IGLON5: variants seen among roughly 807,000 people sequenced by gnomAD.
IGLON5 encodes IgLON family member 5.
Under a neutral mutation model 38.2 loss-of-function variants are expected in IGLON5, and 16 were observed. The observed-to-expected ratio is 0.42, with a 90% CI of 0.28 to 0.64. The LOEUF (loss-of-function observed/expected upper bound fraction) is 0.64. Ranked by LOEUF, IGLON5 falls within the 30% of genes least tolerant of loss-of-function variation. The pLI is 0.23. For missense variants in IGLON5, 366 were observed against 483.4 expected, an observed-to-expected ratio of 0.76 and a Z score of 2.28; for synonymous variants, 207 against 216.4, an observed-to-expected ratio of 0.96 and a Z score of 0.38.
chr19:51,314,302 G>C (rs1158136284), intron 1 of IGLON5, among the ~76,000 whole-genome samples: 1 of 151,744 alleles, frequency 6.6e-6, no homozygotes, highest in African/African-American at 2.4e-5. Context: ...TCCTGCCTCA[G>C]CCTCGCAAGT....
At position 51,313,890 on chromosome 19, in the gene IGLON5, T is replaced by C. The variant is rs185303507; in HGVS notation, c.79+1964T>C. Among the ~76,000 whole-genome samples, 488 of 151,636 alleles carry C rather than the reference T, an allele frequency of 3.2e-3. 2 individuals carry two copies. Among genetic ancestry groups the C allele is most frequent in the South Asian group, 0.019 (91 of 4,812 alleles). ...ATGCACGCCACCACACCTGGCTAAT[T>C]TTTAATTTTTTTTCTTTGTAGAGAT... On this transcript the variant is annotated intron_variant, in intron 1 of 7. Transcript: ENST00000270642.
chr19:51,323,130 CTT>C (rs1985117975), intron 2 of IGLON5, among the ~76,000 whole-genome samples: 1 of 149,070 alleles, frequency 6.7e-6, no homozygotes, highest in Non-Finnish European at 1.5e-5. Context: ...GCCCCCCTCT[CTT>C]TCTGGGTCTC....
chr19:51,327,988 TAGG>T lies in IGLON5; in HGVS notation c.922+105_922+107del. 8.2e-7 allele frequency: 1 copy of T among 1,212,776 alleles called. No homozygotes were observed. The highest frequency in any genetic ancestry group is 1.1e-6 in the Non-Finnish European group (1 of 904,046). The allele number at this position is 1,212,776 out of a possible 1,614,324, so 75.1% of individuals were successfully genotyped here. A position where few individuals can be genotyped will look rare whatever the true frequency, so the allele number is the denominator to read the frequency against. On this transcript the variant is annotated intron_variant, in intron 7 of 7. Coordinates refer to ENST00000270642, the MANE Select transcript of IGLON5 (RefSeq NM_001101372.3). This position sits in a 1 kb window ranked among gnomAD's most constrained non-coding sequence, Gnocchi z 7.1. ...CCGCCCTTCAGGCTGGCCCTGAACT[TAGG>T]AGATGGACGCTGAGACTGAAAAGCA...
In IGLON5 at chr19:51,330,806, A is replaced by G. The variant is rs1046624720; in HGVS notation, c.*2047A>G. On this transcript the variant is annotated 3_prime_UTR_variant, in exon 8 of 8. Coordinates refer to ENST00000270642, the MANE Select transcript of IGLON5 (RefSeq NM_001101372.3). ...TTAGAGAAACTGAGTCCATGATTAT[A>G]TATCATTTGAGCAGCTGGATCAAAA... Among the ~76,000 whole-genome samples, 1 of 152,166 alleles carries G rather than the reference A, an allele frequency of 6.6e-6. No homozygotes were observed. Among genetic ancestry groups the G allele is most frequent in the Non-Finnish European group, 1.5e-5 (1 of 68,030 alleles).
At chr19:51,323,571 C>T (rs1198097843) in intron 2 of IGLON5, 91 bp from the exon 3 acceptor site, 23 of 1,020,572 alleles carry the variant, frequency 2.3e-5, no homozygotes, top group Middle Eastern at 2.1e-4. Flanking sequence ...CCTGGAGATG[C>T]GGTGGCCTCC....
chr19:51,315,403 G>A lies in IGLON5; in HGVS notation c.79+3477G>A, dbSNP rs1984893373. Among the ~76,000 whole-genome samples the A allele has an allele frequency of 2.0e-5, 3 of 152,292 alleles. No homozygotes were observed. In the South Asian group the frequency reaches 6.2e-4, roughly 32 times the overall value. ...TTGGTTGTTGGTTCATATAGCAAATGTTCTTGGGGACCAGGGCCGCTATTC... is the reference window on the plus strand; with the variant it reads ...TTGGTTGTTGGTTCATATAGCAAATATTCTTGGGGACCAGGGCCGCTATTC... On this transcript the variant is annotated intron_variant, in intron 1 of 7. Transcript: ENST00000270642.
In IGLON5 at chr19:51,325,195, C is replaced by A; in HGVS notation, c.392-151C>A. On this transcript the variant is annotated intron_variant, in intron 3 of 7. Coordinates refer to ENST00000270642, the MANE Select transcript of IGLON5 (RefSeq NM_001101372.3). This position sits in a 1 kb window ranked among gnomAD's most constrained non-coding sequence, Gnocchi z 5.5. ...GAAGAGGAACTGCGGGTCTGAACTCCCGGGTCTGAGGGAGGAGGGGCTGGG... is the reference window on the plus strand; with the variant it reads ...GAAGAGGAACTGCGGGTCTGAACTCACGGGTCTGAGGGAGGAGGGGCTGGG... 9.1e-7 allele frequency: 1 copy of A among 1,104,090 alleles called. No homozygotes were observed. Among genetic ancestry groups the A allele is most frequent in the Admixed American group, 2.3e-5 (1 of 43,950 alleles). 68.4% of individuals were successfully genotyped at this position (1,104,090 alleles called of 1,614,324 possible).
At position 51,330,588 on chromosome 19, in the gene IGLON5, A is replaced by C. The variant is rs572988569; in HGVS notation, c.*1829A>C. ...ACATGACCCAGTAAGGCTAATGAGAAAGTGAATGGATTCCCAAGAAGAGAT... is the reference window on the plus strand; with the variant it reads ...ACATGACCCAGTAAGGCTAATGAGACAGTGAATGGATTCCCAAGAAGAGAT... On this transcript the variant is annotated 3_prime_UTR_variant, in exon 8 of 8. Coordinates refer to ENST00000270642, the MANE Select transcript of IGLON5 (RefSeq NM_001101372.3). Among the ~76,000 whole-genome samples, 2 of 152,298 alleles carry C rather than the reference A, an allele frequency of 1.3e-5. No individual in the cohort carries two copies. Among genetic ancestry groups the C allele is most frequent in the African/African-American group, 2.4e-5 (1 of 41,562 alleles).
rs1833964893 is a variant in IGLON5, at chr19:51,325,218, G to A, written c.392-128G>A. Reference sequence around the variant, plus strand: ...TCCCGGGTCTGAGGGAGGAGGGGCTGGGGGTCTGAACTCCTGGGTCTGAGG... The same window carrying A: ...TCCCGGGTCTGAGGGAGGAGGGGCTAGGGGTCTGAACTCCTGGGTCTGAGG... On this transcript the variant is annotated intron_variant, in intron 3 of 7. Coordinates refer to ENST00000270642, the MANE Select transcript of IGLON5 (RefSeq NM_001101372.3). This position sits in a 1 kb window ranked among gnomAD's most constrained non-coding sequence, Gnocchi z 5.5. The A allele has an allele frequency of 7.5e-7, 1 of 1,335,186 alleles. No homozygotes were observed. Among genetic ancestry groups the A allele is most frequent in the South Asian group, 1.3e-5 (1 of 76,298 alleles). 82.7% of individuals were successfully genotyped at this position (1,335,186 alleles called of 1,614,324 possible).
chr19:51,320,843 G>C (rs1449828998), intron 1 of IGLON5, among the ~76,000 whole-genome samples: 1 of 152,174 alleles, frequency 6.6e-6, no homozygotes, highest in Non-Finnish European at 1.5e-5. Flanking sequence ...GTACATTTCT[G>C]AGTTAATGTA....
intron 1 of IGLON5, among the ~76,000 whole-genome samples, chr19:51,314,140 C>T (rs910907226): frequency 1.3e-5 from 2 of 151,382 alleles, no homozygotes; most frequent in African/African-American, 4.9e-5. Flanking sequence ...TTCTTCTCTC[C>T]CTCCCCTTCT....
intron 1 of IGLON5, among the ~76,000 whole-genome samples, 197 bp downstream of exon 1, chr19:51,312,123 C>T (rs1374343929): frequency 1.3e-5 from 2 of 151,954 alleles, no homozygotes; most frequent in Non-Finnish European, 1.5e-5. Flanking sequence ...GGGGTCCGCG[C>T]CCCGGGGCAG....
intron 7 of IGLON5, among the ~76,000 whole-genome samples, chr19:51,328,213 T>C (rs1202857867): frequency 1.3e-5 from 2 of 151,822 alleles, no homozygotes; most frequent in Non-Finnish European, 2.9e-5. Context: ...AAAAAATAAT[T>C]TTGGAGGCCG....
intron 1 of IGLON5, among the ~76,000 whole-genome samples, chr19:51,317,360 G>A (rs550606931): frequency 6.6e-6 from 1 of 152,190 alleles, no homozygotes; most frequent in African/African-American, 2.4e-5. Context: ...ACCTTTACTT[G>A]GATTACCTCT....
chr19:51,327,410 C>T lies in IGLON5; in HGVS notation c.767+210C>T, dbSNP rs1313495709. Reference sequence around the variant, plus strand: ...GATGAATGCTGGAACCCCGTCTCCCCGGACTTTTCAGGGAGCTGGCCAGGG... The same window carrying T: ...GATGAATGCTGGAACCCCGTCTCCCTGGACTTTTCAGGGAGCTGGCCAGGG... On this transcript the variant is annotated intron_variant, in intron 6 of 7. Coordinates refer to ENST00000270642, the MANE Select transcript of IGLON5 (RefSeq NM_001101372.3). This position sits in a 1 kb window ranked among gnomAD's most constrained non-coding sequence, Gnocchi z 7.1. 6.6e-6 allele frequency among the ~76,000 whole-genome samples: 1 copy of T among 152,230 alleles called. No individual in the cohort carries two copies. Among genetic ancestry groups the T allele is most frequent in the East Asian group, 1.9e-4 (1 of 5,172 alleles).
chr19:51,330,109 T>C lies in IGLON5; in HGVS notation c.*1350T>C, dbSNP rs1985318130. The C allele has an allele frequency of 6.6e-6, 1 of 152,248 alleles. No individual in the cohort carries two copies. Among genetic ancestry groups the C allele is most frequent in the Non-Finnish European group, 1.5e-5 (1 of 68,092 alleles). 9.4% of individuals were successfully genotyped at this position (152,248 alleles called of 1,614,324 possible). A position where few individuals can be genotyped will look rare whatever the true frequency, so the allele number is the denominator to read the frequency against. On this transcript the variant is annotated 3_prime_UTR_variant, in exon 8 of 8. Coordinates refer to ENST00000270642, the MANE Select transcript of IGLON5 (RefSeq NM_001101372.3). ...ACTCCGACTCCCAGGAGACCCTCTATATAAACACCCACCCCAAACCACACC... is the reference window on the plus strand; with the variant it reads ...ACTCCGACTCCCAGGAGACCCTCTACATAAACACCCACCCCAAACCACACC...
At chr19:51,323,100 T>G (rs1985116397) in intron 2 of IGLON5, among the ~76,000 whole-genome samples, 1 of 134,286 alleles carries the variant, frequency 7.4e-6, no homozygotes. Context: ...TGAGTCTCTG[T>G]CCCCTCTCTC....
chr19:51,326,697 T>C, intron 4 of IGLON5, 67 bp from the exon 5 acceptor site: 2 of 1,293,274 alleles, frequency 1.5e-6, no homozygotes, highest in Non-Finnish European at 2.1e-6. Flanking sequence ...GTCCGTGTTG[T>C]GCCCGTGTTG....
rs921207738 is a variant in IGLON5, at chr19:51,327,954, A to C, written c.922+68A>C. 8 of 1,413,706 alleles carry C rather than the reference A, an allele frequency of 5.7e-6. No individual in the cohort carries two copies. In the African/African-American group the frequency reaches 1.0e-4, roughly 18 times the overall value. The allele number at this position is 1,413,706 out of a possible 1,614,324, so 87.6% of individuals were successfully genotyped here. A position where few individuals can be genotyped will look rare whatever the true frequency, so the allele number is the denominator to read the frequency against. On this transcript the variant is annotated intron_variant, in intron 7 of 7. Coordinates refer to ENST00000270642, the MANE Select transcript of IGLON5 (RefSeq NM_001101372.3). This position sits in a 1 kb window ranked among gnomAD's most constrained non-coding sequence, Gnocchi z 7.1. ...CGGGGGCGGGGCTAGGGAAGTGGAG[A>C]CGCCGGGACCGCCCTTCAGGCTGGC...
Sources: allele counts gnomAD v4.1 joint callset (sites outside exome capture counted in the v4.1 genomes callset), GRCh38; gene constraint gnomAD v4.1.1; non-coding constraint Gnocchi (gnomAD v3.1); transcripts MANE v1.5; gene names NCBI Gene and HGNC (gene_info 2026-07-23, HGNC 2026-07-21).